PPARD: variants seen among roughly 807,000 people sequenced by gnomAD.
PPARD encodes the protein peroxisome proliferator-activated receptor delta.
In PPARD, 6 loss-of-function variants were observed where a neutral mutation model predicts 39.5. The observed-to-expected ratio is 0.15, with a 90% CI of 0.08 to 0.30. The LOEUF is 0.30. PPARD is among the 10% of genes least tolerant of loss of function. The pLI, the probability that PPARD is intolerant of heterozygous loss-of-function variation, is 1.00. For synonymous variants in PPARD, 210 were observed against 231.3 expected (o/e 0.91, Z 0.83); for missense variants, 397 against 596.8 (o/e 0.67, Z 3.49).
intron 4 of PPARD, 121 bp from the exon 5 acceptor site, chr6:35,421,699 A>T (rs1222529485): frequency 1.8e-6 from 2 of 1,120,904 alleles, no homozygotes; most frequent in East Asian, 2.6e-5. Flanking sequence ...CCTCCAAAAA[A>T]ATTTCTTCTC....
At chr6:35,355,313 G>A (rs1448007181) in intron 2 of PPARD, among the ~76,000 whole-genome samples, 4 of 151,874 alleles carry the variant, frequency 2.6e-5, no homozygotes, top group South Asian at 2.1e-4. Context: ...ATCTGGGCAC[G>A]GTGGCGCACA....
At chr6:35,357,893 C>T (rs894726510) in intron 2 of PPARD, among the ~76,000 whole-genome samples, 14 of 152,122 alleles carry the variant, frequency 9.2e-5, no homozygotes, top group African/African-American at 1.2e-4. Flanking sequence ...GGCCTGGGGA[C>T]GCTGCCAAGG....
chr6:35,376,758 C>A (rs1762834887), intron 2 of PPARD, among the ~76,000 whole-genome samples: 1 of 150,420 alleles, frequency 6.6e-6, no homozygotes, highest in Admixed American at 6.6e-5. Flanking sequence ...TGGTGGCTCA[C>A]ACCTGTAATC....
Position 35,382,488 on chromosome 6 carries a change from C to T in PPARD, c.-101-28499C>T, listed in dbSNP as rs1274138294. Among the ~76,000 whole-genome samples, 2 of 152,206 alleles carry T rather than the reference C, an allele frequency of 1.3e-5. 1 individual carries two copies. The highest frequency in any genetic ancestry group is 2.9e-5 in the Non-Finnish European group (2 of 68,038). On this transcript the variant is annotated intron_variant, in intron 2 of 7. Transcript: ENST00000360694. ...TTAATTATGTGTAAAAATACTTCTA[C>T]TTACTATAAAATGTATTGACAGTTA...
Position 35,422,460 on chromosome 6 carries a change from C to G in PPARD, c.424+502C>G, listed in dbSNP as rs529453073. Among the ~76,000 whole-genome samples, 7 of 152,308 alleles carry G rather than the reference C, an allele frequency of 4.6e-5. No individual in the cohort carries two copies. The South Asian group carries it at 1.5e-3, about 32-fold the overall frequency. On this transcript the variant is annotated intron_variant, in intron 5 of 7. Transcript: ENST00000360694. ...GGTCACCCACTCCCAGGAGACAGAG[C>G]CTTCTCTGCCCTGTGCTCCAGGCCT...
At chr6:35,407,915 G>A (rs555061788) in intron 2 of PPARD, among the ~76,000 whole-genome samples, 2 of 151,872 alleles carry the variant, frequency 1.3e-5, no homozygotes, top group African/African-American at 4.8e-5. Context: ...CTCTACTCTT[G>A]AGCTAAGTGT....
Position 35,412,213 on chromosome 6 carries a change from G to A in PPARD, c.130+996G>A, listed in dbSNP as rs536235514. On this transcript the variant is annotated intron_variant, in intron 3 of 7. Transcript: ENST00000360694. This position sits in a 1 kb window ranked among gnomAD's most constrained non-coding sequence, Gnocchi z 4.1. ...CCCAAAGTGCTGGGATTACAAGCAG[G>A]AGCCACCGCGCCTGGCCTGATCCCT... Among the ~76,000 whole-genome samples the A allele has an allele frequency of 6.6e-6, 1 of 152,250 alleles. No individual in the cohort carries two copies. Among genetic ancestry groups the A allele is most frequent in the African/African-American group, 2.4e-5 (1 of 41,550 alleles).
chr6:35,410,928 A>G, intron 2 of PPARD, 59 bp from the exon 3 acceptor site: 1 of 1,255,478 alleles, frequency 8.0e-7, no homozygotes, highest in Non-Finnish European at 1.0e-6. Flanking sequence ...CCCCACTCGC[A>G]CCATCCTCTT....
chr6:35,376,886 G>C (rs1224563690), intron 2 of PPARD, among the ~76,000 whole-genome samples: 4 of 152,062 alleles, frequency 2.6e-5, no homozygotes, highest in African/African-American at 9.7e-5. Flanking sequence ...CGGGTGAGGT[G>C]GTGGGTGCCT....
At chr6:35,375,225 T>TTC (rs1762745496) in intron 2 of PPARD, among the ~76,000 whole-genome samples, 1 of 138,598 alleles carries the variant, frequency 7.2e-6, no homozygotes. Flanking sequence ...TTTTTTTTTT[T>TTC]TTTTTTTTTG....
rs1227522307 is a variant in PPARD at position 35,427,570 on chromosome 6, C to T, written c.*1491C>T. The T allele has an allele frequency of 6.6e-6, 1 of 152,492 alleles. No homozygotes were observed. Among genetic ancestry groups the T allele is most frequent in the Non-Finnish European group, 1.5e-5 (1 of 68,244 alleles). The allele number at this position is 152,492 out of a possible 1,614,324, so 9.4% of individuals were successfully genotyped here. On this transcript the variant is annotated 3_prime_UTR_variant, in exon 8 of 8. Transcript: ENST00000360694. ...TCTAGTGTCCGGGGACCTTGTGGGA[C>T]CAGTCCCACACCGCTGGTCCCTGCC...
chr6:35,365,534 C>T (rs1190380533), intron 2 of PPARD, among the ~76,000 whole-genome samples: 1 of 149,820 alleles, frequency 6.7e-6, no homozygotes, highest in African/African-American at 2.5e-5. Context: ...CTCTGTCACC[C>T]AGGCTGGAGT....
At chr6:35,355,525 C>A (rs1176553586) in intron 2 of PPARD, among the ~76,000 whole-genome samples, 4 of 135,452 alleles carry the variant, frequency 3.0e-5, no homozygotes, top group Non-Finnish European at 6.1e-5. Context: ...GTACTCCAGC[C>A]TGGGTGACAG....
chr6:35,372,517 C>T (rs967196176), intron 2 of PPARD, among the ~76,000 whole-genome samples: 1 of 152,190 alleles, frequency 6.6e-6, no homozygotes, highest in African/African-American at 2.4e-5. Context: ...CTGTGGCTAG[C>T]CAAATCGCTC....
rs201584799 is a variant in PPARD at position 35,413,512 on chromosome 6, A to G, written c.130+2295A>G. ...CAGGAAAATCAGAACAGGTAACAGT[A>G]AGACAAATACGAATGGCCTGAAATC... On this transcript the variant is annotated intron_variant, in intron 3 of 7. Coordinates refer to ENST00000360694, the MANE Select transcript of PPARD (RefSeq NM_006238.5). Among the ~76,000 whole-genome samples the G allele has an allele frequency of 1.0e-3, 156 of 152,286 alleles. 2 individuals are homozygous for G. Among genetic ancestry groups the G allele is most frequent in the African/African-American group, 3.5e-3 (146 of 41,560 alleles).
rs1256136418 is a variant in PPARD at position 35,424,739 on chromosome 6, T to C, written c.1038T>C (p.Ser346=). ...VKFNALELDD[S]DLALFIAAII... is the part of the protein sequence containing the mutation. The stretch of plus-strand genomic sequence containing the variant: ...TCAACGCCCTGGAACTTGATGACAG[T>C]GACCTGGCCCTATTCATTGCGGCCA... The change falls in exon 7 of 8, where the codon AGT becomes AGC. Residue 346 remains serine, a synonymous_variant. Transcript: ENST00000360694. This position sits in a 1 kb window ranked among gnomAD's most constrained non-coding sequence, Gnocchi z 7.1. The C allele has an allele frequency of 6.2e-7, 1 of 1,614,124 alleles. No homozygotes were observed. The highest frequency in any genetic ancestry group is 1.3e-5 in the African/African-American group (1 of 74,948).
intron 2 of PPARD, among the ~76,000 whole-genome samples, chr6:35,385,734 T>C (rs1763607196): frequency 6.6e-6 from 1 of 151,480 alleles, no homozygotes; most frequent in African/African-American, 2.4e-5. Flanking sequence ...GACTGTGTTT[T>C]GAACGCATTA....
intron 2 of PPARD, among the ~76,000 whole-genome samples, chr6:35,374,311 G>GC (rs11423235): frequency 6.8e-6 from 1 of 146,660 alleles, no homozygotes; most frequent in African/African-American, 2.7e-5. Context: ...TCGGCGGTGG[G>GC]GCGGGGGGGT....
intron 2 of PPARD, among the ~76,000 whole-genome samples, chr6:35,388,212 G>A (rs1476666580): frequency 6.6e-6 from 1 of 151,978 alleles, no homozygotes; most frequent in Non-Finnish European, 1.5e-5. Context: ...GAGGAGTTGG[G>A]GCTCATTTAA....
Sources: allele counts gnomAD v4.1 joint callset (sites outside exome capture counted in the v4.1 genomes callset), GRCh38; gene constraint gnomAD v4.1.1; non-coding constraint Gnocchi (gnomAD v3.1); transcripts MANE v1.5; gene names NCBI Gene and HGNC (gene_info 2026-07-23, HGNC 2026-07-21).